SCD5: variants seen among roughly 807,000 people sequenced by gnomAD.
The protein encoded by SCD5 is acyl-CoA-desaturase 4.
Under a neutral mutation model 30.4 loss-of-function variants are expected in SCD5, and 20 were observed. The ratio of observed to expected loss-of-function variants is 0.66; its 90% CI spans 0.46 to 0.96. The LOEUF is 0.96. SCD5 is among the 40% of genes least tolerant of loss of function. The pLI, the probability that SCD5 is intolerant of heterozygous loss-of-function variation, is 0.00. For synonymous variants in SCD5, 173 were observed against 176.4 expected (o/e 0.98, Z 0.16); for missense variants, 381 against 443.3 (o/e 0.86, Z 1.26).
At chr4:82,722,035 T>C (rs1720380089) in intron 1 of SCD5, among the ~76,000 whole-genome samples, 1 of 152,232 alleles carries the variant, frequency 6.6e-6, no homozygotes, top group Non-Finnish European at 1.5e-5. Flanking sequence ...TAGTGTGCAC[T>C]AGCTGCAGTG....
At chr4:82,667,544 CA>C (rs2148818341) in intron 3 of SCD5, among the ~76,000 whole-genome samples, 1 of 152,244 alleles carries the variant, frequency 6.6e-6, no homozygotes, top group South Asian at 2.1e-4. Flanking sequence ...TGTTTGGCTA[CA>C]ACAACCATGT....
At chr4:82,673,271 T>C (rs1297854669) in intron 3 of SCD5, among the ~76,000 whole-genome samples, 1 of 152,094 alleles carries the variant, frequency 6.6e-6, no homozygotes, top group African/African-American at 2.4e-5. Context: ...TCTGAAAGAA[T>C]TGAAAATAAA....
chr4:82,647,200 T>C (rs2135501), intron 3 of SCD5, among the ~76,000 whole-genome samples: 139,033 of 152,218 alleles, frequency 0.91, 63,576 homozygotes, highest in East Asian at 1. Context: ...TATACATGTG[T>C]GTATGTGCCT....
intron 1 of SCD5, among the ~76,000 whole-genome samples, chr4:82,764,040 AAG>A (rs540285999): frequency 7.2e-5 from 11 of 152,296 alleles, no homozygotes; most frequent in Admixed American, 5.2e-4. Context: ...TTCATGTTTA[AAG>A]AGAGTTTCTT....
Position 82,707,371 on chromosome 4 carries a change from T to C in SCD5, c.233-1958A>G, listed in dbSNP as rs956539553. 1.1e-4 allele frequency among the ~76,000 whole-genome samples: 17 copies of C among 152,048 alleles called. No homozygotes were observed. In the East Asian group the frequency reaches 1.9e-3, roughly 17 times the overall value. On this transcript the variant is annotated intron_variant, in intron 1 of 4. Coordinates refer to ENST00000319540, the MANE Select transcript of SCD5 (RefSeq NM_001037582.3). Reference sequence around the variant, plus strand: ...CAAAAACAAAAACAAAAGCAGGAATTAAAAAATATATGGAGCAGCCTAGAG... The same window carrying C: ...CAAAAACAAAAACAAAAGCAGGAATCAAAAAATATATGGAGCAGCCTAGAG...
intron 1 of SCD5, chr4:82,753,357 TG>T (rs748026086): frequency 3.2e-5 from 17 of 533,490 alleles, no homozygotes; most frequent in Admixed American, 3.1e-4. Flanking sequence ...GCACTGCTCC[TG>T]TCCAACTGGC....
intron 1 of SCD5, among the ~76,000 whole-genome samples, chr4:82,773,566 G>A (rs1721675090): frequency 6.6e-6 from 1 of 152,160 alleles, no homozygotes; most frequent in Non-Finnish European, 1.5e-5. Context: ...AGAATCTCCA[G>A]CCCCACACAT....
intron 3 of SCD5, among the ~76,000 whole-genome samples, chr4:82,639,194 T>A (rs1417742182): frequency 1.3e-5 from 2 of 152,212 alleles, no homozygotes; most frequent in African/African-American, 4.8e-5. Context: ...GGATACAGGA[T>A]GGCTGCATTT....
chr4:82,700,766 G>A (rs1183932703), intron 2 of SCD5, among the ~76,000 whole-genome samples: 1 of 123,976 alleles, frequency 8.1e-6, no homozygotes, highest in African/African-American at 3.0e-5. Context: ...CAGCCTGGGT[G>A]ACGGAGTGAG....
intron 1 of SCD5, among the ~76,000 whole-genome samples, chr4:82,735,473 A>G (rs565836333): frequency 1.3e-5 from 2 of 152,308 alleles, no homozygotes; most frequent in Non-Finnish European, 2.9e-5. Context: ...ATGGATACAA[A>G]TTACAGTAAA....
chr4:82,658,197 C>A (rs1727905279), intron 3 of SCD5, among the ~76,000 whole-genome samples: 1 of 152,132 alleles, frequency 6.6e-6, no homozygotes, highest in Non-Finnish European at 1.5e-5. Context: ...ATGCTTCCAA[C>A]TTTTGCCCAT....
chr4:82,787,512 C>T (rs959324814), intron 1 of SCD5, among the ~76,000 whole-genome samples: 4 of 152,272 alleles, frequency 2.6e-5, no homozygotes, highest in East Asian at 1.9e-4. Flanking sequence ...CCACGCCCTC[C>T]GCTTCCTTCG....
rs147519053 is a variant in SCD5, at chr4:82,709,447, C to T, written c.233-4034G>A. On this transcript the variant is annotated intron_variant, in intron 1 of 4. Coordinates refer to ENST00000319540, the MANE Select transcript of SCD5 (RefSeq NM_001037582.3). ...TAATGACAAAGTATGGAAAGTGCTA[C>T]AGAGCAAATGAACAGAATAATATAA... Among the ~76,000 whole-genome samples the T allele has an allele frequency of 3.8e-3, 572 of 152,282 alleles. 7 individuals carry two copies. The highest frequency in any genetic ancestry group is 0.013 in the African/African-American group (542 of 41,568).
intron 2 of SCD5, among the ~76,000 whole-genome samples, chr4:82,695,042 G>A (rs549754321): frequency 5.3e-5 from 8 of 152,154 alleles, no homozygotes; most frequent in African/African-American, 1.7e-4. Context: ...TGCAGCAGGC[G>A]TCTGAAGTGG....
intron 1 of SCD5, among the ~76,000 whole-genome samples, chr4:82,790,230 T>C (rs902718393): frequency 1.3e-5 from 2 of 152,074 alleles, no homozygotes; most frequent in Admixed American, 6.5e-5. Context: ...CTAGAAATCA[T>C]TGTTATGTGC....
intron 1 of SCD5, among the ~76,000 whole-genome samples, chr4:82,732,681 T>C (rs1720669820): frequency 6.6e-6 from 1 of 152,166 alleles, no homozygotes; most frequent in African/African-American, 2.4e-5. Context: ...AATTACAGTA[T>C]TCATTGAAAG....
chr4:82,679,392 A>C (rs1355416583), intron 3 of SCD5, among the ~76,000 whole-genome samples: 1 of 152,140 alleles, frequency 6.6e-6, no homozygotes, highest in African/African-American at 2.4e-5. Flanking sequence ...CACCTAAAAG[A>C]GCTGTATTGA....
At chr4:82,684,157 A>G (rs1462387920) in intron 2 of SCD5, among the ~76,000 whole-genome samples, 1 of 152,224 alleles carries the variant, frequency 6.6e-6, no homozygotes, top group East Asian at 1.9e-4. Flanking sequence ...TCACCTGGAT[A>G]CCTTTCCAAC....
At chr4:82,715,560 C>T (rs1388674608) in intron 1 of SCD5, among the ~76,000 whole-genome samples, 6 of 151,710 alleles carry the variant, frequency 4.0e-5, no homozygotes, top group African/African-American at 1.2e-4. Flanking sequence ...GTCCCAAACA[C>T]CATTCTGGCG....
Sources: allele counts gnomAD v4.1 joint callset (sites outside exome capture counted in the v4.1 genomes callset), GRCh38; gene constraint gnomAD v4.1.1; transcripts MANE v1.5; gene names NCBI Gene and HGNC (gene_info 2026-07-23, HGNC 2026-07-21).